Variants in CFAP44 observed in about 807,000 individuals in gnomAD.
The protein encoded by CFAP44 is cilia and flagella associated protein 44.
A neutral mutation model predicts 216.2 loss-of-function variants in CFAP44; 134 were observed. That is an observed-to-expected ratio of 0.62 (90% CI 0.54 to 0.72). The LOEUF (loss-of-function observed/expected upper bound fraction) is 0.72, where lower values mean the gene tolerates loss of function less well. CFAP44 is among the 30% of genes least tolerant of loss of function. The probability of loss-of-function intolerance (pLI) is 0.00; values close to 1 mark genes in which losing one functional copy is unlikely to be tolerated. For missense variants in CFAP44, 2,035 were observed against 2,182.1 expected, an observed-to-expected ratio of 0.93 and a Z score of 1.34; for synonymous variants, 700 against 727.6, an observed-to-expected ratio of 0.96 and a Z score of 0.61.
chr3:113,294,762 C>T lies in CFAP44; in HGVS notation c.5298G>A (p.Lys1766=), dbSNP rs1171649043. The T allele has an allele frequency of 6.5e-7, 1 of 1,535,866 alleles. No homozygotes were observed. Among genetic ancestry groups the T allele is most frequent in the South Asian group, 1.2e-5 (1 of 83,720 alleles). The part of the protein sequence containing the change: ...LMMKTKEHTR[K]LYQMNDLCIE... Reference sequence around the variant, plus strand: ...TACACAAATCATTCATCTGATAAAGCTTTCTGGTGTGTTCTTTTGTCTTCA... The same window carrying T: ...TACACAAATCATTCATCTGATAAAGTTTTCTGGTGTGTTCTTTTGTCTTCA... Residue 1766 remains lysine, a synonymous_variant, in exon 34 of 35, where the codon AAG becomes AAA. Coordinates refer to ENST00000393845, the MANE Select transcript of CFAP44 (RefSeq NM_001164496.2).
intron 15 of CFAP44, among the ~76,000 whole-genome samples, chr3:113,386,556 G>T (rs1000149208): frequency 6.6e-6 from 1 of 152,184 alleles, no homozygotes; most frequent in Admixed American, 6.5e-5. Flanking sequence ...TGCCTAGGTT[G>T]TACAATCAAT....
rs2270781 is a variant in CFAP44, at chr3:113,296,813, G to A, written c.5150C>T (p.Thr1717Met). 0.2 allele frequency: 313,474 copies of A among 1,537,384 alleles called. 34,824 individuals carry two copies. Among genetic ancestry groups the A allele is most frequent in the East Asian group, 0.45 (18,265 of 40,914 alleles). Residue 1717 changes from threonine (T) to methionine (M), a missense_variant, in exon 33 of 35, where the codon ACG becomes ATG. This residue lies in a region of CFAP44 where 1,883 missense variants were observed against 2,023.7 expected (regional missense o/e 0.93). Transcript: ENST00000393845. ...TTCAAGTGTTGTATTAACAGAAAGC[G>A]TTTGAAGGGCTTCTAGATTTACCAC... Reference protein sequence around the residue: ...GRVVNLEALQTLSVNTTLEEL... With the variant: ...GRVVNLEALQMLSVNTTLEEL...
At chr3:113,382,301 A>T (rs1933536162) in intron 15 of CFAP44, among the ~76,000 whole-genome samples, 1 of 152,246 alleles carries the variant, frequency 6.6e-6, no homozygotes, top group South Asian at 2.1e-4. Context: ...AAAGATTGAC[A>T]GGATCAAATG....
chr3:113,374,273 A>ACCAAAATAGCAAGAT (rs1431270078), intron 17 of CFAP44, among the ~76,000 whole-genome samples: 3 of 152,134 alleles, frequency 2.0e-5, no homozygotes, highest in Non-Finnish European at 4.4e-5. Flanking sequence ...TTGGCAAGCT[A>ACCAAAATAGCAAGAT]CCAAAATAGC....
chr3:113,323,973 G>T (rs1318821982), intron 28 of CFAP44, among the ~76,000 whole-genome samples: 1 of 151,094 alleles, frequency 6.6e-6, no homozygotes, highest in Non-Finnish European at 1.5e-5. Context: ...GAACCTAGGA[G>T]GTGGAGGTTG....
At chr3:113,328,850 T>C (rs1559913089) in intron 26 of CFAP44, among the ~76,000 whole-genome samples, 1 of 152,038 alleles carries the variant, frequency 6.6e-6, no homozygotes, top group Non-Finnish European at 1.5e-5. Context: ...GAGGACCACA[T>C]AGGTCTCCAA....
At chr3:113,416,059 T>C (rs933095850) in intron 6 of CFAP44, among the ~76,000 whole-genome samples, 3 of 152,228 alleles carry the variant, frequency 2.0e-5, no homozygotes, top group Non-Finnish European at 4.4e-5. Flanking sequence ...GATGTATACA[T>C]ATTCAGAATA....
At chr3:113,404,861 C>T (rs1424191773) in intron 8 of CFAP44, among the ~76,000 whole-genome samples, 1 of 152,156 alleles carries the variant, frequency 6.6e-6, no homozygotes, top group Non-Finnish European at 1.5e-5. Context: ...CTAATCCAAG[C>T]AAGGTGGCTC....
intron 28 of CFAP44, 131 bp from the exon 29 acceptor site, chr3:113,308,399 T>A: frequency 1.4e-6 from 1 of 716,692 alleles, no homozygotes; most frequent in Non-Finnish European, 2.2e-6. Context: ...TTAAAATGGT[T>A]AAGGACACAA....
Position 113,363,303 on chromosome 3 carries a change from C to T in CFAP44, c.2776G>A (p.Glu926Lys), listed in dbSNP as rs753711694. 8.7e-6 allele frequency: 14 copies of T among 1,601,404 alleles called. No individual in the cohort carries two copies. Among genetic ancestry groups the T allele is most frequent in the East Asian group, 2.2e-5 (1 of 44,658 alleles). Reference sequence around the variant, plus strand: ...TGTTCTCTTTTTCTCCTAGCATTCTCGATACTGAAAACAGAAATTTAAAAC... The same window carrying T: ...TGTTCTCTTTTTCTCCTAGCATTCTTGATACTGAAAACAGAAATTTAAAAC... ...DIEDPKAYSI[E>K]NARRKREHDK... is the part of the protein sequence containing the mutation. The change falls in exon 21 of 35, where the codon GAG becomes AAG. Residue 926 changes from glutamate to lysine, a missense_variant. Around this residue, in one of 3 missense-constraint regions of CFAP44, gnomAD observed 1,883 missense variants for 2,023.7 expected, o/e 0.93. Coordinates refer to ENST00000393845, the MANE Select transcript of CFAP44 (RefSeq NM_001164496.2).
At chr3:113,432,248 A>C (rs1344568162) in intron 2 of CFAP44, 1 of 152,224 alleles carries the variant, frequency 6.6e-6, no homozygotes, top group Non-Finnish European at 1.5e-5. Flanking sequence ...AGTAAAACAC[A>C]GACAGCTCTT....
At chr3:113,339,756 T>G (rs1020838617) in intron 24 of CFAP44, among the ~76,000 whole-genome samples, 7 of 152,186 alleles carry the variant, frequency 4.6e-5, no homozygotes, top group African/African-American at 1.4e-4. Context: ...GTGTCTCAAA[T>G]GTGCCCTGCC....
rs1003777493 is a variant in CFAP44, at chr3:113,294,518, T to G, written c.5373+169A>C. On this transcript the variant is annotated intron_variant, in intron 34 of 34. Transcript: ENST00000393845. ...AATAAAGCTAGTCCCTCAGGCCCACTGTAATGTGGCTAACACCAACTCAGT... is the reference window on the plus strand; with the variant it reads ...AATAAAGCTAGTCCCTCAGGCCCACGGTAATGTGGCTAACACCAACTCAGT... The G allele has an allele frequency of 7.4e-6, 6 of 814,838 alleles. No individual in the cohort carries two copies. In the Admixed American group the frequency reaches 2.1e-4, roughly 28 times the overall value. 50.5% of individuals were successfully genotyped at this position (814,838 alleles called of 1,614,324 possible).
Position 113,333,719 on chromosome 3 carries a change from C to G in CFAP44, c.3438-136G>C, listed in dbSNP as rs957079754. On this transcript the variant is annotated intron_variant, in intron 24 of 34. Transcript: ENST00000393845. The stretch of plus-strand genomic sequence containing the variant: ...TTCAAATCTGTGATGCCACTTTTGT[C>G]ACAGAGCCCAAGCATTTTTTAAAAG... The G allele has an allele frequency of 1.3e-5, 13 of 1,025,380 alleles. 1 individual carries two copies. Among genetic ancestry groups the G allele is most frequent in the Admixed American group, 6.6e-5 (2 of 30,202 alleles). 63.5% of individuals were successfully genotyped at this position (1,025,380 alleles called of 1,614,324 possible).
rs965656099 is a variant in CFAP44 at position 113,288,269 on chromosome 3, T to C, written c.*3288A>G. The C allele has an allele frequency of 7.2e-5, 11 of 152,160 alleles. No homozygotes were observed. Among genetic ancestry groups the C allele is most frequent in the Non-Finnish European group, 1.5e-4 (10 of 68,042 alleles). The allele number at this position is 152,160 out of a possible 1,614,324, so 9.4% of individuals were successfully genotyped here. ...TGCATCCTCTGCTGGCCAAAATAAG[T>C]ATAGCACCTGCTATTCCTGACTTCT... On this transcript the variant is annotated 3_prime_UTR_variant, in exon 35 of 35. Coordinates refer to ENST00000393845, the MANE Select transcript of CFAP44 (RefSeq NM_001164496.2).
intron 32 of CFAP44, among the ~76,000 whole-genome samples, chr3:113,297,450 A>G (rs1432346056): frequency 6.6e-6 from 1 of 151,198 alleles, no homozygotes; most frequent in African/African-American, 2.4e-5. Context: ...TCCTATCTGA[A>G]CTGCTCTTCC....
intron 27 of CFAP44, 37 bp from the exon 28 acceptor site, chr3:113,326,677 T>G: frequency 1.5e-6 from 2 of 1,323,088 alleles, no homozygotes; most frequent in Non-Finnish European, 2.0e-6. Flanking sequence ...GATAAATATT[T>G]CTGATAAACC....
At chr3:113,380,492 G>A (rs1477396250) in intron 16 of CFAP44, among the ~76,000 whole-genome samples, 1 of 151,788 alleles carries the variant, frequency 6.6e-6, no homozygotes, top group Non-Finnish European at 1.5e-5. Flanking sequence ...GTGCATTGGT[G>A]CAATCACAGC....
chr3:113,357,953 G>A (rs1181053092), intron 22 of CFAP44, among the ~76,000 whole-genome samples: 1 of 152,060 alleles, frequency 6.6e-6, no homozygotes, highest in African/African-American at 2.4e-5. Flanking sequence ...TCTATTAACA[G>A]TAGAAGGGAT....
Sources: allele counts gnomAD v4.1 joint callset (sites outside exome capture counted in the v4.1 genomes callset), GRCh38; gene constraint gnomAD v4.1.1; regional missense constraint gnomAD v4.1.1; transcripts MANE v1.5; gene names NCBI Gene and HGNC (gene_info 2026-07-23, HGNC 2026-07-21).